CCDC148: variants seen among roughly 807,000 people sequenced by gnomAD.
CCDC148 encodes the protein coiled-coil domain containing 148, also known as coiled-coil domain-containing protein 148.
In CCDC148, 89 loss-of-function variants were observed where a neutral mutation model predicts 85.7. That is an observed-to-expected ratio of 1.04 (90% confidence interval 0.87 to 1.24). The LOEUF (loss-of-function observed/expected upper bound fraction) is 1.24. Among genes scored for constraint, CCDC148 ranks in the 50% most tolerant of loss-of-function variants. CCDC148 has a pLI of 0.00. For missense variants in CCDC148, 692 were observed against 671.7 expected, an observed-to-expected ratio of 1.03 and a Z score of -0.33; for synonymous variants, 230 against 213.9, an observed-to-expected ratio of 1.08 and a Z score of -0.66.
intron 11 of CCDC148, among the ~76,000 whole-genome samples, chr2:158,218,035 T>C (rs1414819503): frequency 6.6e-6 from 1 of 152,214 alleles, no homozygotes; most frequent in African/African-American, 2.4e-5. Flanking sequence ...TCTATCTCCC[T>C]AAGTCACAAA....
chr2:158,176,512 C>T lies in CCDC148; in HGVS notation c.1629+9G>A, dbSNP rs1684594498. On this transcript the variant is annotated intron_variant, in intron 13 of 13. Coordinates refer to ENST00000283233, the MANE Select transcript of CCDC148 (RefSeq NM_138803.4). Reference sequence around the variant, plus strand: ...CTTTTTCATCAGTCATGCTAATTTCCATAATTACCTGCTGTTCATTGTATG... The same window carrying T: ...CTTTTTCATCAGTCATGCTAATTTCTATAATTACCTGCTGTTCATTGTATG... 4 of 1,608,854 alleles carry T rather than the reference C, an allele frequency of 2.5e-6. No individual in the cohort carries two copies. Among genetic ancestry groups the T allele is most frequent in the Non-Finnish European group, 3.4e-6 (4 of 1,176,446 alleles).
At chr2:158,326,116 C>T (rs1474108890) in intron 7 of CCDC148, among the ~76,000 whole-genome samples, 26 of 152,114 alleles carry the variant, frequency 1.7e-4, no homozygotes, top group Non-Finnish European at 7.4e-5. Context: ...CCCATCCATA[C>T]CTCTATGACC....
At chr2:158,335,052 T>G (rs998203944) in intron 7 of CCDC148, among the ~76,000 whole-genome samples, 15 of 152,130 alleles carry the variant, frequency 9.9e-5, no homozygotes, top group Non-Finnish European at 1.6e-4. Context: ...AAGACAATAA[T>G]TGGACCAATG....
intron 1 of CCDC148, among the ~76,000 whole-genome samples, chr2:158,443,221 G>A (rs1688010583): frequency 6.6e-6 from 1 of 151,766 alleles, no homozygotes; most frequent in Non-Finnish European, 1.5e-5. Flanking sequence ...CACCTGTAAT[G>A]TCAGCACTTT....
At chr2:158,222,732 T>G (rs1162823557) in intron 10 of CCDC148, among the ~76,000 whole-genome samples, 2 of 152,180 alleles carry the variant, frequency 1.3e-5, no homozygotes, top group African/African-American at 2.4e-5. Flanking sequence ...CTCCCTTTGA[T>G]GTTAACACCA....
At chr2:158,191,017 G>C (rs1685398785) in intron 11 of CCDC148, among the ~76,000 whole-genome samples, 3 of 151,942 alleles carry the variant, frequency 2.0e-5, no homozygotes. Context: ...TTTCGGTCTA[G>C]TTCTATCTAT....
chr2:158,200,130 G>A (rs1372502696), intron 11 of CCDC148, among the ~76,000 whole-genome samples: 2 of 152,168 alleles, frequency 1.3e-5, no homozygotes, highest in Non-Finnish European at 2.9e-5. Flanking sequence ...GAGTTTGGTG[G>A]TGCATGTTTA....
intron 1 of CCDC148, among the ~76,000 whole-genome samples, chr2:158,423,298 G>C (rs893356452): frequency 6.6e-6 from 1 of 152,144 alleles, no homozygotes; most frequent in Non-Finnish European, 1.5e-5. Context: ...AAAGAACAAA[G>C]CTGGAGGCAT....
chr2:158,322,931 A>G (rs1377124531), intron 7 of CCDC148, among the ~76,000 whole-genome samples: 1 of 152,186 alleles, frequency 6.6e-6, no homozygotes, highest in African/African-American at 2.4e-5. Flanking sequence ...CTTTTTCCAC[A>G]TATTGACTTC....
chr2:158,211,297 G>A (rs1686564569), intron 11 of CCDC148, among the ~76,000 whole-genome samples: 1 of 152,154 alleles, frequency 6.6e-6, no homozygotes, highest in Non-Finnish European at 1.5e-5. Context: ...GAGAATTTGA[G>A]ATAATTGATT....
chr2:158,374,763 C>T (rs1157724987), intron 1 of CCDC148, among the ~76,000 whole-genome samples: 3 of 151,874 alleles, frequency 2.0e-5, no homozygotes, highest in Admixed American at 6.6e-5. Context: ...CCTATTACTA[C>T]ATACAGTCAT....
chr2:158,444,921 G>A (rs1442655090), intron 1 of CCDC148, among the ~76,000 whole-genome samples: 1 of 151,686 alleles, frequency 6.6e-6, no homozygotes, highest in African/African-American at 2.4e-5. Flanking sequence ...AAGAAGGGGG[G>A]AAACAAAAAG....
At chr2:158,411,459 T>C (rs904446335) in intron 1 of CCDC148, among the ~76,000 whole-genome samples, 2 of 152,080 alleles carry the variant, frequency 1.3e-5, no homozygotes, top group African/African-American at 2.4e-5. Flanking sequence ...TTCTGCTTGA[T>C]TGAGTTTTCT....
intron 9 of CCDC148, among the ~76,000 whole-genome samples, chr2:158,283,181 C>A (rs192829031): frequency 0.011 from 1,614 of 152,210 alleles, 19 homozygotes; most frequent in African/African-American, 0.036. Context: ...AAACCCTAGA[C>A]GAAAACCTAG....
At chr2:158,443,515 A>AGAAAAGAAAAG (rs1553524475) in intron 1 of CCDC148, among the ~76,000 whole-genome samples, 2 of 100,896 alleles carry the variant, frequency 2.0e-5, no homozygotes. Context: ...AAAAAAAAAA[A>AGAAAAGAAAAG]AAAAAAAAGA....
In CCDC148 at chr2:158,456,473, C is replaced by T. The variant is rs1688748453; in HGVS notation, c.-34G>A. 1 of 1,604,624 alleles carries T rather than the reference C, an allele frequency of 6.2e-7. No individual in the cohort carries two copies. Among genetic ancestry groups the T allele is most frequent in the Admixed American group, 1.7e-5 (1 of 58,540 alleles). On this transcript the variant is annotated 5_prime_UTR_variant, in exon 1 of 14. Transcript: ENST00000283233. ...TCAAAGGGCATAGCCTCAGGGACTC[C>T]CCAAACGCAGGAAAAGTGAAACGCC... is the stretch of plus-strand genomic sequence containing the variant.
intron 1 of CCDC148, among the ~76,000 whole-genome samples, chr2:158,442,908 C>T (rs573395629): frequency 3.9e-5 from 6 of 152,300 alleles, no homozygotes; most frequent in African/African-American, 1.2e-4. Context: ...AGTGGAGAGA[C>T]CAGATGCAAA....
rs1682533383 is a variant in CCDC148 at position 158,338,980 on chromosome 2, T to A, written c.582+10A>T. The A allele has an allele frequency of 1.2e-6, 2 of 1,609,912 alleles. No individual in the cohort carries two copies. Among genetic ancestry groups the A allele is most frequent in the East Asian group, 2.2e-5 (1 of 44,816 alleles). On this transcript the variant is annotated intron_variant, in intron 6 of 13. Transcript: ENST00000283233. ...ATAAACACATAAATTATTAGCCACA[T>A]CACACTTACCTTTATACTCCAGTCT...
At chr2:158,213,724 G>T (rs1310056351) in intron 11 of CCDC148, among the ~76,000 whole-genome samples, 1 of 152,172 alleles carries the variant, frequency 6.6e-6, no homozygotes, top group Admixed American at 6.5e-5. Context: ...CTCCCTGTGT[G>T]TAGAATCTTT....
Sources: allele counts gnomAD v4.1 joint callset (sites outside exome capture counted in the v4.1 genomes callset), GRCh38; gene constraint gnomAD v4.1.1; transcripts MANE v1.5; gene names NCBI Gene and HGNC (gene_info 2026-07-23, HGNC 2026-07-21).